Variants in F8 observed in about 807,000 individuals in gnomAD.
F8 encodes the protein antihemophilic factor.
F8 carries 12 observed loss-of-function variants against 140.6 expected under a neutral mutation model. The observed-to-expected ratio is 0.09, with a 90% CI of 0.05 to 0.14. The LOEUF is 0.14. F8 is among the 10% of genes least tolerant of loss of function. The probability of loss-of-function intolerance (pLI) is 1.00; values close to 1 mark genes in which losing one functional copy is unlikely to be tolerated. For synonymous variants in F8, 585 were observed against 614.6 expected, an observed-to-expected ratio of 0.95 and a Z score of 0.71; for missense variants, 1,354 against 1,720.7, an observed-to-expected ratio of 0.79 and a Z score of 3.77.
In F8 at chrX:154,839,072, C is replaced by T. The variant is rs142307804; in HGVS notation, c.6901-1320G>A. Among the ~76,000 whole-genome samples, 327 of 109,188 alleles carry T rather than the reference C, an allele frequency of 3.0e-3. 1 individual carries two copies. Among genetic ancestry groups the T allele is most frequent in the African/African-American group, 0.01 (313 of 29,964 alleles). The allele number at this position is 109,188 out of a possible 115,157, so 94.8% of individuals were successfully genotyped here. On this transcript the variant is annotated intron_variant, in intron 25 of 25. Transcript: ENST00000360256. ...TCCCACTGCATTCCTCCTATTTTAC[C>T]GCATCGCAGATGAGCTGATCTTTCA...
intron 6 of F8, among the ~76,000 whole-genome samples, chrX:154,979,208 G>A (rs891812684): frequency 5.4e-5 from 6 of 111,952 alleles, no homozygotes; most frequent in African/African-American, 9.7e-5. Context: ...CTGTGCTGGC[G>A]TTGGTTGTGG....
intron 21 of F8, among the ~76,000 whole-genome samples, chrX:154,897,168 C>T (rs2072986503): frequency 8.9e-6 from 1 of 112,453 alleles, no homozygotes; most frequent in Non-Finnish European, 1.9e-5. Flanking sequence ...ACAGAATGGA[C>T]ACTTCTTAAA....
At chrX:154,864,112 C>T in intron 22 of F8, among the ~76,000 whole-genome samples, 1 of 112,584 alleles carries the variant, frequency 8.9e-6, no homozygotes, top group Admixed American at 9.3e-5. Context: ...ACCCTGTGAG[C>T]CAACTCCAGT....
At position 154,928,729 on chromosome X, in the gene F8, T is replaced by C. The variant is rs782313397; in HGVS notation, c.5061A>G (p.Ile1687Met). 8.3e-7 allele frequency: 1 copy of C among 1,211,016 alleles called. No individual in the cohort carries two copies. Residue 1687 changes from isoleucine (I) to methionine (M), a missense_variant, in exon 14 of 26, where the codon ATA becomes ATG. By Grantham distance (10) the Ile-to-Met change is conservative. Transcript: ENST00000360256. ...DQEEIDYDDT[I>M]SVEMKKEDFD... ...AATCTTCCTTCTTCATTTCAACTGA[T>C]ATGGTATCATCATAGTCAATTTCCT...
At chrX:154,980,212 GCC>G (rs2073510373) in intron 6 of F8, among the ~76,000 whole-genome samples, 1 of 111,355 alleles carries the variant, frequency 9.0e-6, no homozygotes. Flanking sequence ...CCATCCTGAA[GCC>G]CCTCCTGATT....
At chrX:154,843,658 T>C (rs1274702458) in intron 25 of F8, among the ~76,000 whole-genome samples, 1 of 112,315 alleles carries the variant, frequency 8.9e-6, no homozygotes, top group African/African-American at 3.2e-5. Context: ...TCTTGTAAGT[T>C]TGTTTGAGTT....
chrX:154,870,270 T>C (rs2148571578), intron 22 of F8, among the ~76,000 whole-genome samples: 1 of 112,390 alleles, frequency 8.9e-6, no homozygotes, highest in East Asian at 2.8e-4. Flanking sequence ...CCAATATCCC[T>C]GATGAACATC....
At chrX:154,843,864 C>A (rs1278568828) in intron 25 of F8, among the ~76,000 whole-genome samples, 3 of 111,360 alleles carry the variant, frequency 2.7e-5, no homozygotes, top group East Asian at 2.8e-4. Context: ...AAGTTCTTGC[C>A]CATGCCTATG....
At chrX:154,839,580 T>C (rs781978091) in intron 25 of F8, among the ~76,000 whole-genome samples, 80 of 110,434 alleles carry the variant, frequency 7.2e-4, no homozygotes, top group African/African-American at 2.6e-3. Context: ...GCCAGGATGG[T>C]CTTGATCTCC....
At chrX:154,852,524 G>A (rs1177392963) in intron 25 of F8, among the ~76,000 whole-genome samples, 1 of 111,611 alleles carries the variant, frequency 9.0e-6, no homozygotes, top group Non-Finnish European at 1.9e-5. Flanking sequence ...TAGATGTATA[G>A]GCTTATTTCT....
Position 154,966,407 on chromosome X carries a change from A to G in F8, c.1271+19T>C. The G allele has an allele frequency of 8.3e-7, 1 of 1,210,321 alleles. No individual in the cohort carries two copies. The highest frequency in any genetic ancestry group is 1.1e-6 in the Non-Finnish European group (1 of 894,577). On this transcript the variant is annotated intron_variant, in intron 8 of 25. Coordinates refer to ENST00000360256, the MANE Select transcript of F8 (RefSeq NM_000132.4). Reference sequence around the variant, plus strand: ...TGAGTATGGGGAAGAGAGAGTACCAATAGTCAAAAAGTGCTTACCTGTCAT... The same window carrying G: ...TGAGTATGGGGAAGAGAGAGTACCAGTAGTCAAAAAGTGCTTACCTGTCAT...
At chrX:154,988,594 A>C (rs2073571462) in intron 4 of F8, among the ~76,000 whole-genome samples, 1 of 112,160 alleles carries the variant, frequency 8.9e-6, no homozygotes, top group Non-Finnish European at 1.9e-5. Flanking sequence ...TTGGTTGATT[A>C]AGCAAAGGAT....
intron 6 of F8, among the ~76,000 whole-genome samples, chrX:154,970,562 C>A (rs1388553597): frequency 1.8e-5 from 2 of 111,827 alleles, no homozygotes; most frequent in African/African-American, 6.5e-5. Context: ...ACTATTTCTG[C>A]ATTCCAGATC....
At chrX:154,949,197 G>C (rs1557280544) in intron 12 of F8, among the ~76,000 whole-genome samples, 2 of 112,162 alleles carry the variant, frequency 1.8e-5, no homozygotes, top group African/African-American at 3.2e-5. Flanking sequence ...CAAAGTTGCA[G>C]CCTGGCTTAG....
intron 11 of F8, 51 bp from the exon 12 acceptor site, chrX:154,954,093 A>C: frequency 8.8e-7 from 1 of 1,138,857 alleles, no homozygotes; most frequent in South Asian, 1.8e-5. Flanking sequence ...TGATGTTGTC[A>C]GGTAGGAGCT....
intron 6 of F8, among the ~76,000 whole-genome samples, chrX:154,972,404 A>C (rs1342315080): frequency 9.0e-6 from 1 of 111,393 alleles, no homozygotes; most frequent in East Asian, 2.8e-4. Flanking sequence ...TGAGTTCCTT[A>C]TATATTCTAG....
At chrX:154,843,164 T>C (rs1034336236) in intron 25 of F8, among the ~76,000 whole-genome samples, 2 of 112,208 alleles carry the variant, frequency 1.8e-5, no homozygotes, top group African/African-American at 3.2e-5. Context: ...ATGGTGTATA[T>C]GTGCCACATT....
At chrX:155,011,066 C>T (rs1276192298) in intron 1 of F8, among the ~76,000 whole-genome samples, 1 of 111,960 alleles carries the variant, frequency 8.9e-6, no homozygotes, top group East Asian at 2.8e-4. Flanking sequence ...TGGATTTCAT[C>T]AAAATGAAAA....
chrX:154,892,784 C>T (rs782107838), intron 22 of F8, among the ~76,000 whole-genome samples: 18 of 111,516 alleles, frequency 1.6e-4, no homozygotes, highest in Non-Finnish European at 3.0e-4. Context: ...CCCCTCCTTT[C>T]GGCAAAGGGC....
Sources: gnomAD v4.1 joint callset for allele counts (sites outside exome capture counted in the v4.1 genomes callset) on GRCh38, gnomAD v4.1.1 for gene constraint, MANE v1.5 for transcripts, NCBI Gene and HGNC (gene_info 2026-07-23, HGNC 2026-07-21) for gene names.